The following SLC18A1 variants were observed in gnomAD, a reference collection of about 807,000 sequenced individuals.
The protein encoded by SLC18A1 is solute carrier family 18 member A1, also known as chromaffin granule amine transporter.
Under a neutral mutation model 53.7 loss-of-function variants are expected in SLC18A1, and 69 were observed. That is an observed-to-expected ratio of 1.28 (90% CI 1.06 to 1.57). SLC18A1 has a LOEUF of 1.57. SLC18A1 is among the 40% of genes most tolerant of loss of function. The pLI is 0.00. For missense variants in SLC18A1, 932 were observed against 668.1 expected, an observed-to-expected ratio of 1.40 and a Z score of -4.35; for synonymous variants, 320 against 248.1, an observed-to-expected ratio of 1.29 and a Z score of -2.72.
At position 20,152,562 on chromosome 8, in the gene SLC18A1, G is replaced by A. The variant is rs575722886; in HGVS notation, c.1016-1818C>T. Among the ~76,000 whole-genome samples, 103 of 152,276 alleles carry A rather than the reference G, an allele frequency of 6.8e-4. 1 individual carries two copies. Among genetic ancestry groups the A allele is most frequent in the South Asian group, 8.3e-4 (4 of 4,816 alleles). On this transcript the variant is annotated intron_variant, in intron 10 of 15. Coordinates refer to ENST00000276373, the MANE Select transcript of SLC18A1 (RefSeq NM_003053.4). ...GATAACCTAGGTTTTTGTCTTAATC[G>A]ATTGGGTAGCTGGAGATAGGGAAGA...
At chr8:20,179,093 C>A in intron 3 of SLC18A1, 28 bp downstream of exon 3, 1 of 1,593,310 alleles carries the variant, frequency 6.3e-7, no homozygotes, top group Non-Finnish European at 8.6e-7. Flanking sequence ...CCTGTGTACC[C>A]TGCGGGGCAC....
At chr8:20,150,261 C>A (rs1451846298) in intron 11 of SLC18A1, among the ~76,000 whole-genome samples, 1 of 152,214 alleles carries the variant, frequency 6.6e-6, no homozygotes, top group East Asian at 1.9e-4. Flanking sequence ...TGGCCCCCAA[C>A]CCTTCCTCCT....
chr8:20,148,717 C>G (rs1009802185), intron 12 of SLC18A1, among the ~76,000 whole-genome samples: 3 of 152,160 alleles, frequency 2.0e-5, no homozygotes, highest in African/African-American at 7.2e-5. Flanking sequence ...CCATTCAAAC[C>G]TGCTACCCCA....
At chr8:20,176,147 G>A (rs1211571673) in intron 4 of SLC18A1, among the ~76,000 whole-genome samples, 2 of 152,198 alleles carry the variant, frequency 1.3e-5, no homozygotes, top group African/African-American at 2.4e-5. Context: ...AGGTGTTTGG[G>A]TTATGGGGAA....
intron 8 of SLC18A1, among the ~76,000 whole-genome samples, chr8:20,166,509 C>T (rs918765245): frequency 6.6e-6 from 1 of 150,836 alleles, no homozygotes. Context: ...GAGGAAAAAA[C>T]ACTAAGACAC....
chr8:20,171,465 C>A lies in SLC18A1; in HGVS notation c.754G>T (p.Glu252Ter), dbSNP rs144299315. The A allele has an allele frequency of 6.2e-7, 1 of 1,614,120 alleles. No homozygotes were observed. Among genetic ancestry groups the A allele is most frequent in the Non-Finnish European group, 8.5e-7 (1 of 1,180,004 alleles). ...VGAPFGSVMY[E>*]FVGKSAPFLI... ...AAGGGTGCAGACTTCCCAACAAACT[C>A]GTACATTACACTTCCAAAGGGAGCT... is the stretch of plus-strand genomic sequence containing the variant. The change falls in exon 7 of 16, where the codon GAG becomes TAG. Residue 252 changes from glutamate to a stop codon, truncating the protein, a stop_gained. Coordinates refer to ENST00000276373, the MANE Select transcript of SLC18A1 (RefSeq NM_003053.4). LOFTEE classifies it high-confidence loss of function.
Position 20,145,877 on chromosome 8 carries a change from C to G in SLC18A1, c.1465-1G>C. 1.3e-6 allele frequency: 2 copies of G among 1,579,306 alleles called. No individual in the cohort carries two copies. The highest frequency in any genetic ancestry group is 1.7e-6 in the Non-Finnish European group (2 of 1,159,468). On this transcript the variant is annotated splice_acceptor_variant, in intron 15 of 15. Coordinates refer to ENST00000276373, the MANE Select transcript of SLC18A1 (RefSeq NM_003053.4). LOFTEE classifies it high-confidence loss of function. The stretch of plus-strand genomic sequence containing the variant: ...TGGGGCAGTCCTGACTCAGAATAGC[C>G]TGCAGAGAGAGGCAAGAAGAGAAGC...
chr8:20,177,448 A>T (rs755045272), intron 4 of SLC18A1, among the ~76,000 whole-genome samples: 9 of 152,168 alleles, frequency 5.9e-5, no homozygotes, highest in Non-Finnish European at 1.2e-4. Context: ...CAGAGAACAC[A>T]TGGACACCGG....
intron 10 of SLC18A1, among the ~76,000 whole-genome samples, chr8:20,163,728 T>C (rs1221250860): frequency 2.6e-5 from 4 of 152,206 alleles, no homozygotes; most frequent in Admixed American, 2.0e-4. Context: ...ACAAGCTCTC[T>C]AGGTGATTCT....
At chr8:20,156,229 A>G (rs943890102) in intron 10 of SLC18A1, among the ~76,000 whole-genome samples, 1 of 150,488 alleles carries the variant, frequency 6.6e-6, no homozygotes, top group Non-Finnish European at 1.5e-5. Flanking sequence ...TTGTGAGCAC[A>G]CCTCACCAGT....
At chr8:20,155,345 G>A (rs1227460634) in intron 10 of SLC18A1, among the ~76,000 whole-genome samples, 2 of 152,170 alleles carry the variant, frequency 1.3e-5, no homozygotes, top group African/African-American at 4.8e-5. Flanking sequence ...AGTTACAAAC[G>A]ATTAGCGTGG....
intron 10 of SLC18A1, among the ~76,000 whole-genome samples, chr8:20,163,279 C>T (rs1454592186): frequency 6.6e-6 from 1 of 152,176 alleles, no homozygotes; most frequent in Admixed American, 6.5e-5. Flanking sequence ...AGGGTGCTCC[C>T]ATGATCTCAT....
intron 3 of SLC18A1, 42 bp downstream of exon 3, chr8:20,179,079 T>C: frequency 6.4e-7 from 1 of 1,562,592 alleles, no homozygotes; most frequent in African/African-American, 1.4e-5. Flanking sequence ...CTAGTCCTCC[T>C]ACTCCTGTGT....
At chr8:20,152,037 G>C (rs1315432835) in intron 10 of SLC18A1, among the ~76,000 whole-genome samples, 1 of 152,180 alleles carries the variant, frequency 6.6e-6, no homozygotes, top group Non-Finnish European at 1.5e-5. Context: ...ACTCAGAAGG[G>C]CTATCTGGGA....
chr8:20,149,575 T>TCTCTCTCTCC lies in SLC18A1; in HGVS notation c.1146+100_1146+101insGGAGAGAGAG, dbSNP rs1491084529. 1.2e-5 allele frequency: 11 copies of TCTCTCTCTCC among 935,358 alleles called. No homozygotes were observed. In the East Asian group the frequency reaches 2.0e-4, roughly 17 times the overall value. 57.9% of individuals were successfully genotyped at this position (935,358 alleles called of 1,614,324 possible). On this transcript the variant is annotated intron_variant, in intron 12 of 15. Transcript: ENST00000276373. ...TAGTCTTTAAATGTCTGTGTCTTTC[T>TCTCTCTCTCC]CTCTCTCTCTCTCCCTCTCTCTCTC... is the stretch of plus-strand genomic sequence containing the variant.
At chr8:20,147,551 G>C (rs759841103) in intron 14 of SLC18A1, 52 bp downstream of exon 14, 5 of 1,607,362 alleles carry the variant, frequency 3.1e-6, no homozygotes, top group Admixed American at 3.3e-5. Context: ...TGCACTTCCA[G>C]CTGGTAAAGA....
At position 20,152,079 on chromosome 8, in the gene SLC18A1, G is replaced by A. The variant is rs1183488869; in HGVS notation, c.1016-1335C>T. ...GGTTGGGGAAGGCTTCTTTGGGGAAGTGACATTCAAACTGAGACCTTAATA... is the reference window on the plus strand; with the variant it reads ...GGTTGGGGAAGGCTTCTTTGGGGAAATGACATTCAAACTGAGACCTTAATA... On this transcript the variant is annotated intron_variant, in intron 10 of 15. Transcript: ENST00000276373. Among the ~76,000 whole-genome samples, 3 of 150,696 alleles carry A rather than the reference G, an allele frequency of 2.0e-5. No individual in the cohort carries two copies. The South Asian group carries it at 6.2e-4, about 31-fold the overall frequency.
intron 10 of SLC18A1, among the ~76,000 whole-genome samples, chr8:20,159,217 C>T (rs928741162): frequency 1.2e-4 from 18 of 152,186 alleles, no homozygotes; most frequent in African/African-American, 4.1e-4. Context: ...ATGACCCCTA[C>T]TATGCCCCAG....
At chr8:20,163,874 T>C (rs1283024600) in intron 10 of SLC18A1, among the ~76,000 whole-genome samples, 1 of 152,136 alleles carries the variant, frequency 6.6e-6, no homozygotes, top group Admixed American at 6.5e-5. Flanking sequence ...GTCCCTAGGC[T>C]GCTGGGGAGG....
Sources: gnomAD v4.1 joint callset for allele counts (sites outside exome capture counted in the v4.1 genomes callset) on GRCh38, gnomAD v4.1.1 for gene constraint, MANE v1.5 for transcripts, NCBI Gene and HGNC (gene_info 2026-07-23, HGNC 2026-07-21) for gene names.